Variants in HAUS6 observed in about 807,000 individuals in gnomAD.
HAUS6 encodes HAUS augmin-like complex subunit 6.
A neutral mutation model predicts 106.8 loss-of-function variants in HAUS6; 80 were observed. The observed-to-expected ratio is 0.75, with a 90% confidence interval of 0.63 to 0.90. The LOEUF is 0.90. Ranked by LOEUF, HAUS6 falls within the 40% of genes least tolerant of loss-of-function variation. HAUS6 has a pLI of 0.00. For missense variants in HAUS6, 1,155 were observed against 1,118.1 expected (o/e 1.03, Z -0.47); for synonymous variants, 356 against 379.1 (o/e 0.94, Z 0.71).
At chr9:19,089,255 A>AG (rs1428220255) in intron 5 of HAUS6, among the ~76,000 whole-genome samples, 157 bp downstream of exon 5, 1 of 149,764 alleles carries the variant, frequency 6.7e-6, no homozygotes, top group Non-Finnish European at 1.5e-5. Context: ...TGTCTCAGAT[A>AG]GGGAAAAAAA....
chr9:19,073,563 G>A (rs1836923621), intron 11 of HAUS6, among the ~76,000 whole-genome samples: 1 of 151,222 alleles, frequency 6.6e-6, no homozygotes, highest in Admixed American at 6.6e-5. Flanking sequence ...AACTAATCCT[G>A]GCAAGAGTGC....
chr9:19,095,092 T>C (rs1001820531), intron 2 of HAUS6, among the ~76,000 whole-genome samples: 23 of 151,480 alleles, frequency 1.5e-4, no homozygotes, highest in Admixed American at 6.0e-4. Flanking sequence ...TAAACAGATA[T>C]ATATGAAGAA....
chr9:19,056,851 T>A, intron 16 of HAUS6: 1 of 158,514 alleles, frequency 6.3e-6, no homozygotes, highest in East Asian at 1.8e-4. Context: ...TCCTCCCATC[T>A]CGGACTCCCA....
chr9:19,086,970 T>C, intron 6 of HAUS6, 121 bp downstream of exon 6: 1 of 648,838 alleles, frequency 1.5e-6, no homozygotes, highest in Admixed American at 2.8e-5. Context: ...TCTAATCCTA[T>C]CATCATCTGG....
At position 19,060,067 on chromosome 9, in the gene HAUS6, CAGAA is replaced by C. The variant is rs779498898; in HGVS notation, c.1765+17_1765+20del. 2 of 1,587,738 alleles carry C rather than the reference CAGAA, an allele frequency of 1.3e-6. No homozygotes were observed. The highest frequency in any genetic ancestry group is 1.4e-5 in the African/African-American group (1 of 73,730). On this transcript the variant is annotated intron_variant, in intron 15 of 16. Coordinates refer to ENST00000380502, the MANE Select transcript of HAUS6 (RefSeq NM_017645.5). ...TTATGTCGATGAAAGAAAAAAGTAACAGAAAGCATTATTAACTTACTCAAGTTTT... is the reference window on the plus strand; with the variant it reads ...TTATGTCGATGAAAGAAAAAAGTAACAGCATTATTAACTTACTCAAGTTTT...
intron 7 of HAUS6, among the ~76,000 whole-genome samples, chr9:19,085,615 C>CAAA (rs71494997): frequency 1.5e-5 from 2 of 129,788 alleles, no homozygotes; most frequent in African/African-American, 5.4e-5. Context: ...AGATTTTATC[C>CAAA]AAAAAAAAAA....
At chr9:19,066,185 C>A (rs1836757351) in intron 12 of HAUS6, among the ~76,000 whole-genome samples, 1 of 152,020 alleles carries the variant, frequency 6.6e-6, no homozygotes, top group South Asian at 2.1e-4. Flanking sequence ...ATCTGCCTGC[C>A]TCAGCATCCC....
intron 11 of HAUS6, among the ~76,000 whole-genome samples, chr9:19,074,701 T>A (rs1013042971): frequency 3.9e-5 from 6 of 152,188 alleles, no homozygotes; most frequent in Admixed American, 6.6e-5. Context: ...CCTATCCCAG[T>A]GATTAAGTCC....
rs113836654 is a variant in HAUS6, at chr9:19,079,766, G to C, written c.1064+713C>G. Among the ~76,000 whole-genome samples the C allele has an allele frequency of 9.7e-3, 1,474 of 151,876 alleles. 25 individuals carry two copies. Among genetic ancestry groups the C allele is most frequent in the African/African-American group, 0.033 (1,374 of 41,414 alleles). On this transcript the variant is annotated intron_variant, in intron 9 of 16. Coordinates refer to ENST00000380502, the MANE Select transcript of HAUS6 (RefSeq NM_017645.5). ...AAAAATACAAAAATTAGCCAGGCGT[G>C]ATGGCGCGTGCCTGTAATCTCAGCT...
chr9:19,063,503 T>A lies in HAUS6; in HGVS notation c.1443+11A>T, dbSNP rs1455969493. On this transcript the variant is annotated intron_variant, in intron 13 of 16. Coordinates refer to ENST00000380502, the MANE Select transcript of HAUS6 (RefSeq NM_017645.5). Reference sequence around the variant, plus strand: ...GGTCCAGAATTAATTGAGACTTATTTTAAAATATACCTTTTCAAGTACTGT... The same window carrying A: ...GGTCCAGAATTAATTGAGACTTATTATAAAATATACCTTTTCAAGTACTGT... The A allele has an allele frequency of 1.4e-6, 2 of 1,424,460 alleles. No homozygotes were observed. Among genetic ancestry groups the A allele is most frequent in the African/African-American group, 2.8e-5 (2 of 70,242 alleles). The allele number at this position is 1,424,460 out of a possible 1,614,324, so 88.2% of individuals were successfully genotyped here. A position where few individuals can be genotyped will look rare whatever the true frequency, so the allele number is the denominator to read the frequency against.
At chr9:19,087,811 C>G (rs12352623) in intron 5 of HAUS6, among the ~76,000 whole-genome samples, 1 of 127,850 alleles carries the variant, frequency 7.8e-6, no homozygotes, top group East Asian at 2.7e-4. Flanking sequence ...CCACTGCACT[C>G]TAGTCTAGCT....
intron 14 of HAUS6, among the ~76,000 whole-genome samples, chr9:19,061,993 T>A (rs533223651): frequency 9.9e-5 from 15 of 152,244 alleles, no homozygotes; most frequent in South Asian, 2.1e-4. Context: ...AAAGTAACAC[T>A]GATTTTCTGG....
intron 12 of HAUS6, among the ~76,000 whole-genome samples, chr9:19,066,681 G>C (rs1037586647): frequency 1.3e-5 from 2 of 152,010 alleles, no homozygotes; most frequent in East Asian, 3.9e-4. Flanking sequence ...GTATAATGCA[G>C]CCTCTCGCTC....
intron 12 of HAUS6, among the ~76,000 whole-genome samples, chr9:19,068,909 T>C (rs1161235469): frequency 6.6e-6 from 1 of 152,172 alleles, no homozygotes; most frequent in Non-Finnish European, 1.5e-5. Flanking sequence ...AATAGGAATA[T>C]TACTGGAGGA....
In HAUS6 at chr9:19,100,198, A is replaced by G. The variant is rs529364156; in HGVS notation, c.128+2326T>C. Reference sequence around the variant, plus strand: ...GACAGAGCAAGACTCCATCTCAAAAAAAAAAGAATTAAAACTAGCCAGGCG... The same window carrying G: ...GACAGAGCAAGACTCCATCTCAAAAGAAAAAGAATTAAAACTAGCCAGGCG... On this transcript the variant is annotated intron_variant, in intron 1 of 16. Coordinates refer to ENST00000380502, the MANE Select transcript of HAUS6 (RefSeq NM_017645.5). Among the ~76,000 whole-genome samples, 16 of 152,274 alleles carry G rather than the reference A, an allele frequency of 1.1e-4. No individual in the cohort carries two copies. The South Asian group carries it at 3.3e-3, about 32-fold the overall frequency.
At chr9:19,057,657 C>G in intron 16 of HAUS6, 1 of 377,100 alleles carries the variant, frequency 2.7e-6, no homozygotes, top group Non-Finnish European at 4.7e-6. Flanking sequence ...TTAAAAACCA[C>G]CTTCCACTGG....
chr9:19,058,533 T>A lies in HAUS6; in HGVS notation c.2234A>T (p.Lys745Ile), dbSNP rs1432631377. 6.3e-7 allele frequency: 1 copy of A among 1,582,162 alleles called. No individual in the cohort carries two copies. The change falls in exon 16 of 17, where the codon AAA (lysine) becomes ATA (isoleucine). Residue 745 changes from lysine to isoleucine, a missense_variant. Lys to Ile is a moderately radical substitution (Grantham distance 102). Coordinates refer to ENST00000380502, the MANE Select transcript of HAUS6 (RefSeq NM_017645.5). ...ILDHLEVSCN[K>I]PSTNKTMLWN... ...CAACATAGTTTTATTTGTGGAAGGTTTGTTACAAGAAACTTCTAAGTGGTC... is the reference window on the plus strand; with the variant it reads ...CAACATAGTTTTATTTGTGGAAGGTATGTTACAAGAAACTTCTAAGTGGTC...
intron 4 of HAUS6, among the ~76,000 whole-genome samples, chr9:19,092,782 AGTC>A (rs1817780958): frequency 1.3e-5 from 2 of 150,426 alleles, no homozygotes; most frequent in Non-Finnish European, 3.0e-5. Context: ...AAAATTAGCC[AGTC>A]ATGGTGGCAG....
chr9:19,093,868 C>CA (rs973751330), intron 3 of HAUS6, among the ~76,000 whole-genome samples: 1 of 151,006 alleles, frequency 6.6e-6, no homozygotes, highest in African/African-American at 2.4e-5. Flanking sequence ...GACTCTGTCT[C>CA]AAAAAAAAGT....
Sources: allele counts gnomAD v4.1 joint callset (sites outside exome capture counted in the v4.1 genomes callset), GRCh38; gene constraint gnomAD v4.1.1; transcripts MANE v1.5; gene names NCBI Gene and HGNC (gene_info 2026-07-23, HGNC 2026-07-21).